MEGF11: variants seen among roughly 807,000 people sequenced by gnomAD.
The protein encoded by MEGF11 is multiple EGF like domains 11, also known as multiple epidermal growth factor-like domains protein 11.
MEGF11 carries 126 observed loss-of-function variants against 146.6 expected under a neutral mutation model. The ratio of observed to expected loss-of-function variants is 0.86; its 90% CI spans 0.74 to 1.00. MEGF11 has a LOEUF of 1.00. Among genes scored for constraint, MEGF11 ranks in the 50% least tolerant of loss-of-function variants. MEGF11 has a pLI of 0.00. For synonymous variants in MEGF11, 532 were observed against 583.4 expected, an observed-to-expected ratio of 0.91 and a Z score of 1.27; for missense variants, 1,509 against 1,521.2, an observed-to-expected ratio of 0.99 and a Z score of 0.13.
At chr15:66,191,263 C>T (rs926928624) in intron 1 of MEGF11, among the ~76,000 whole-genome samples, 3 of 152,198 alleles carry the variant, frequency 2.0e-5, no homozygotes, top group East Asian at 1.9e-4. Flanking sequence ...GAGGGCCGCT[C>T]TCCGGGCTGG....
At chr15:65,994,295 G>A (rs753419074) in intron 5 of MEGF11, among the ~76,000 whole-genome samples, 6 of 152,194 alleles carry the variant, frequency 3.9e-5, no homozygotes, top group Admixed American at 6.5e-5. Context: ...GGATGCTTGT[G>A]GGGAGGCAGT....
chr15:65,965,463 A>T (rs1346827175), intron 8 of MEGF11: 1 of 243,754 alleles, frequency 4.1e-6, no homozygotes, highest in East Asian at 8.1e-5. Context: ...TCTCATTGAA[A>T]CTTAACACCC....
Position 66,168,897 on chromosome 15 carries a change from A to C in MEGF11, c.-8-40486T>G, listed in dbSNP as rs575607837. ...CAGCTACTTGGGAGGCTGAGGCAGG[A>C]GAATTGCTTGAACCCGGGAGGTGGA... On this transcript the variant is annotated intron_variant, in intron 1 of 25. Transcript: ENST00000395614. Among the ~76,000 whole-genome samples, 672 of 152,320 alleles carry C rather than the reference A, an allele frequency of 4.4e-3. 3 individuals carry two copies. The highest frequency in any genetic ancestry group is 4.1e-3 in the Non-Finnish European group (280 of 68,030).
At chr15:65,923,120 G>T (rs2079235252) in intron 13 of MEGF11, among the ~76,000 whole-genome samples, 151 bp from the exon 14 acceptor site, 1 of 152,206 alleles carries the variant, frequency 6.6e-6, no homozygotes, top group Non-Finnish European at 1.5e-5. Flanking sequence ...GGCTTGGCTG[G>T]TCATGGAGGA....
At chr15:66,204,944 C>T (rs1357334737) in intron 1 of MEGF11, among the ~76,000 whole-genome samples, 2 of 151,182 alleles carry the variant, frequency 1.3e-5, no homozygotes, top group African/African-American at 2.4e-5. Flanking sequence ...CTTTAAGCCC[C>T]AAGGAACAAC....
chr15:66,067,922 G>T (rs1335003620), intron 5 of MEGF11, among the ~76,000 whole-genome samples: 1 of 152,140 alleles, frequency 6.6e-6, no homozygotes, highest in Non-Finnish European at 1.5e-5. Context: ...CTCGCTTCAG[G>T]GCAGTTAGGA....
At chr15:66,227,294 C>G (rs2091874269) in intron 1 of MEGF11, among the ~76,000 whole-genome samples, 1 of 152,088 alleles carries the variant, frequency 6.6e-6, no homozygotes, top group South Asian at 2.1e-4. Flanking sequence ...GAGGATTAAA[C>G]AGGATAACGC....
intron 1 of MEGF11, among the ~76,000 whole-genome samples, chr15:66,237,113 C>A (rs925335724): frequency 5.9e-5 from 9 of 152,190 alleles, no homozygotes; most frequent in African/African-American, 1.9e-4. Context: ...CTGTCCATTT[C>A]CACCAGACAC....
intron 7 of MEGF11, among the ~76,000 whole-genome samples, chr15:65,976,039 C>T (rs1218356553): frequency 9.6e-6 from 1 of 103,818 alleles, no homozygotes; most frequent in African/African-American, 3.6e-5. Context: ...CTTCAACATT[C>T]CTTTTTTTTT....
chr15:65,896,694 A>G lies in MEGF11; in HGVS notation c.*1240T>C, dbSNP rs1216920267. 1 of 152,264 alleles carries G rather than the reference A, an allele frequency of 6.6e-6. No individual in the cohort carries two copies. Among genetic ancestry groups the G allele is most frequent in the Non-Finnish European group, 1.5e-5 (1 of 68,036 alleles). The allele number at this position is 152,264 out of a possible 1,614,324, so 9.4% of individuals were successfully genotyped here. A position where few individuals can be genotyped will look rare whatever the true frequency, so the allele number is the denominator to read the frequency against. On this transcript the variant is annotated 3_prime_UTR_variant, in exon 26 of 26. Transcript: ENST00000395614. The stretch of plus-strand genomic sequence containing the variant: ...TGTTCATAGTGGAAGGTATAGACAC[A>G]TCTGAATACTGGGATCTGGAGCATT...
chr15:66,095,525 G>A (rs1446193275), intron 4 of MEGF11, among the ~76,000 whole-genome samples: 1 of 152,194 alleles, frequency 6.6e-6, no homozygotes, highest in Admixed American at 6.5e-5. Flanking sequence ...GGTCCCCTTT[G>A]ATGGCCTCCC....
At chr15:66,155,804 GTTC>G (rs1401207586) in intron 1 of MEGF11, among the ~76,000 whole-genome samples, 4 of 152,208 alleles carry the variant, frequency 2.6e-5, no homozygotes, top group African/African-American at 7.2e-5. Context: ...CCAAGTCTGT[GTTC>G]TTCTTCCCCA....
intron 10 of MEGF11, among the ~76,000 whole-genome samples, chr15:65,953,099 C>T (rs1259338127): frequency 6.6e-6 from 1 of 152,190 alleles, no homozygotes; most frequent in Non-Finnish European, 1.5e-5. Flanking sequence ...CAGCTCATCC[C>T]AACACCCTCC....
At chr15:65,931,085 A>G in intron 10 of MEGF11, 142 bp from the exon 11 acceptor site, 1 of 1,083,202 alleles carries the variant, frequency 9.2e-7, no homozygotes, top group Non-Finnish European at 1.2e-6. Context: ...TTACATGGCA[A>G]AAAGGGACTT....
At chr15:65,999,494 T>C (rs1305283546) in intron 5 of MEGF11, among the ~76,000 whole-genome samples, 1 of 152,162 alleles carries the variant, frequency 6.6e-6, no homozygotes, top group Non-Finnish European at 1.5e-5. Context: ...CTTTTTGCAT[T>C]GGGTTAAGGT....
intron 1 of MEGF11, among the ~76,000 whole-genome samples, chr15:66,174,369 C>T (rs1172241278): frequency 1.3e-5 from 2 of 152,060 alleles, no homozygotes; most frequent in Non-Finnish European, 2.9e-5. Context: ...AGCATGTGCC[C>T]GAGACTTAAT....
intron 5 of MEGF11, among the ~76,000 whole-genome samples, chr15:66,085,384 G>A (rs569029250): frequency 6.6e-6 from 1 of 152,306 alleles, no homozygotes; most frequent in African/African-American, 2.4e-5. Flanking sequence ...CAAAAAAAGA[G>A]CATTAAACCA....
chr15:65,965,616 T>TCTTTC (rs1567180156), intron 8 of MEGF11, among the ~76,000 whole-genome samples: 15 of 115,436 alleles, frequency 1.3e-4, no homozygotes, highest in Non-Finnish European at 2.7e-4. Flanking sequence ...TTTTTTTCTT[T>TCTTTC]TTTTTTTTTT....
intron 4 of MEGF11, among the ~76,000 whole-genome samples, chr15:66,108,969 G>T (rs115499528): frequency 6.6e-6 from 1 of 152,178 alleles, no homozygotes; most frequent in East Asian, 1.9e-4. Context: ...TTCAGAGGCC[G>T]CCCGGTGCAG....
Sources: allele counts gnomAD v4.1 joint callset (sites outside exome capture counted in the v4.1 genomes callset), GRCh38; gene constraint gnomAD v4.1.1; transcripts MANE v1.5; gene names NCBI Gene and HGNC (gene_info 2026-07-23, HGNC 2026-07-21).